C1QTNF3: variants seen among roughly 807,000 people sequenced by gnomAD.
C1QTNF3 encodes C1q and TNF related 3.
A neutral mutation model predicts 32.6 loss-of-function variants in C1QTNF3; 26 were observed. That is an observed-to-expected ratio of 0.80 (90% CI 0.58 to 1.11). The LOEUF is 1.11. Ranked by LOEUF, C1QTNF3 falls within the 50% of genes least tolerant of loss-of-function variation. C1QTNF3 has a pLI of 0.00. For missense variants in C1QTNF3, 362 were observed against 398.2 expected, an observed-to-expected ratio of 0.91 and a Z score of 0.77; for synonymous variants, 155 against 146.0, an observed-to-expected ratio of 1.06 and a Z score of -0.44.
the C1QTNF3 span, among the ~76,000 whole-genome samples, chr5:34,214,694 G>A: frequency 6.6e-6 from 1 of 152,014 alleles, no homozygotes; most frequent in Non-Finnish European, 1.5e-5. Context: ...GTCCCATATT[G>A]TCATTTTTTG....
At chr5:34,237,708 G>A in the C1QTNF3 span, among the ~76,000 whole-genome samples, 1 of 152,146 alleles carries the variant, frequency 6.6e-6, no homozygotes, top group Non-Finnish European at 1.5e-5. Flanking sequence ...AAGCTGAGCT[G>A]AAGAGGGAGG....
chr5:34,147,865 G>C, the C1QTNF3 span, among the ~76,000 whole-genome samples: 1 of 152,292 alleles, frequency 6.6e-6, no homozygotes, highest in South Asian at 2.1e-4. Context: ...CAAGATGGCC[G>C]AATAGGAACA....
chr5:34,064,987 A>T, the C1QTNF3 span, among the ~76,000 whole-genome samples: 143 of 152,346 alleles, frequency 9.4e-4, no homozygotes, highest in African/African-American at 3.3e-3. Context: ...GGTCTTGGCG[A>T]AGAATTTTTG....
chr5:34,066,550 A>G, the C1QTNF3 span, among the ~76,000 whole-genome samples: 1 of 152,070 alleles, frequency 6.6e-6, no homozygotes, highest in South Asian at 2.1e-4. Flanking sequence ...TGGCACGTTT[A>G]TTTTGGGTTA....
chr5:34,039,704 G>T (rs947468407), intron 1 of C1QTNF3, among the ~76,000 whole-genome samples: 1 of 152,076 alleles, frequency 6.6e-6, no homozygotes, highest in Non-Finnish European at 1.5e-5. Context: ...GATGAAACAA[G>T]AGAAGATTTC....
the C1QTNF3 span, among the ~76,000 whole-genome samples, chr5:34,103,379 G>A: frequency 6.6e-6 from 1 of 151,490 alleles, no homozygotes; most frequent in Non-Finnish European, 1.5e-5. Flanking sequence ...ACAGCTCACT[G>A]CAGCCTCAAA....
At chr5:34,113,529 A>C in the C1QTNF3 span, among the ~76,000 whole-genome samples, 5 of 152,192 alleles carry the variant, frequency 3.3e-5, no homozygotes, top group African/African-American at 1.2e-4. Context: ...GAGAATTATC[A>C]GTTAATGAAC....
the C1QTNF3 span, among the ~76,000 whole-genome samples, chr5:34,121,920 A>T: frequency 6.6e-6 from 1 of 152,280 alleles, no homozygotes; most frequent in Admixed American, 6.5e-5. Flanking sequence ...AAAAAAACAG[A>T]TGTTTATGAA....
the C1QTNF3 span, among the ~76,000 whole-genome samples, chr5:34,095,127 T>A: frequency 6.6e-6 from 1 of 152,034 alleles, no homozygotes; most frequent in East Asian, 1.9e-4. Context: ...TGTACCTGCA[T>A]ATAATGCATT....
At chr5:34,239,133 CCTT>C in the C1QTNF3 span, among the ~76,000 whole-genome samples, 2 of 152,108 alleles carry the variant, frequency 1.3e-5, no homozygotes, top group Non-Finnish European at 2.9e-5. Context: ...TATGAAAGGT[CCTT>C]AAGGGAGTGC....
chr5:34,067,082 A>G, the C1QTNF3 span, among the ~76,000 whole-genome samples: 183 of 152,340 alleles, frequency 1.2e-3, no homozygotes, highest in Middle Eastern at 0.01. Context: ...AAACATAACA[A>G]GAGTCACATT....
chr5:34,094,261 T>A, the C1QTNF3 span, among the ~76,000 whole-genome samples: 2 of 152,000 alleles, frequency 1.3e-5, no homozygotes, highest in African/African-American at 4.8e-5. Context: ...AAAAACAACA[T>A]AAGAGTGATT....
the C1QTNF3 span, among the ~76,000 whole-genome samples, chr5:34,066,277 A>T: frequency 6.6e-6 from 1 of 152,114 alleles, no homozygotes; most frequent in Non-Finnish European, 1.5e-5. Flanking sequence ...CAACCACCTG[A>T]CCATGACCTG....
the C1QTNF3 span, among the ~76,000 whole-genome samples, chr5:34,222,951 T>G: frequency 6.6e-6 from 1 of 152,030 alleles, no homozygotes; most frequent in East Asian, 1.9e-4. Flanking sequence ...CAGTGTGCAT[T>G]TTTACCCTCA....
the C1QTNF3 span, among the ~76,000 whole-genome samples, chr5:34,207,991 C>T: frequency 6.6e-6 from 1 of 152,186 alleles, no homozygotes. Context: ...GGGGTTTCAC[C>T]GTGTTACCCA....
the C1QTNF3 span, among the ~76,000 whole-genome samples, chr5:34,176,856 C>CATGAATGAATGAATGAATGAATGA: frequency 6.8e-6 from 1 of 148,114 alleles, no homozygotes; most frequent in Non-Finnish European, 1.5e-5. Flanking sequence ...GACCCTATCT[C>CATGAATGAATGAATGAATGAATGA]ATGAATGAAT....
At chr5:34,224,544 A>C in the C1QTNF3 span, among the ~76,000 whole-genome samples, 1 of 152,206 alleles carries the variant, frequency 6.6e-6, no homozygotes, top group Non-Finnish European at 1.5e-5. Context: ...AAAAATAAGC[A>C]ATGGGGAAAG....
chr5:34,126,936 A>G, the C1QTNF3 span, among the ~76,000 whole-genome samples: 14 of 152,274 alleles, frequency 9.2e-5, no homozygotes, highest in African/African-American at 3.1e-4. Flanking sequence ...GGCTGTTAGC[A>G]TGATAGTGAT....
chr5:34,243,816 TG>T, the C1QTNF3 span, among the ~76,000 whole-genome samples: 1 of 149,464 alleles, frequency 6.7e-6, no homozygotes, highest in Non-Finnish European at 1.5e-5. Flanking sequence ...GCTATGGGGG[TG>T]GGGGAGAGAG....
Sources: allele counts gnomAD v4.1 joint callset (sites outside exome capture counted in the v4.1 genomes callset), GRCh38; gene constraint gnomAD v4.1.1; transcripts MANE v1.5; gene names NCBI Gene and HGNC (gene_info 2026-07-23, HGNC 2026-07-21).